The following LRRC4C variants were observed in gnomAD, a reference collection of about 807,000 sequenced individuals.
LRRC4C encodes the protein leucine-rich repeat-containing protein 4C.
A neutral mutation model predicts 33.6 loss-of-function variants in LRRC4C; 5 were observed. The observed-to-expected ratio is 0.15, with a 90% CI of 0.08 to 0.31. LRRC4C has a LOEUF of 0.31. LRRC4C is among the 10% of genes least tolerant of loss of function. The probability of loss-of-function intolerance (pLI) is 1.00; values close to 1 mark genes in which losing one functional copy is unlikely to be tolerated. For synonymous variants in LRRC4C, 329 were observed against 302.0 expected, an observed-to-expected ratio of 1.09 and a Z score of -0.93; for missense variants, 560 against 796.7, an observed-to-expected ratio of 0.70 and a Z score of 3.58.
rs140698369 is a variant in LRRC4C at position 40,713,560 on chromosome 11, T to G, written c.-406-65282A>C. Among the ~76,000 whole-genome samples, 559 of 152,320 alleles carry G rather than the reference T, an allele frequency of 3.7e-3. 5 individuals carry two copies. Among genetic ancestry groups the G allele is most frequent in the African/African-American group, 0.013 (524 of 41,570 alleles). The stretch of plus-strand genomic sequence containing the variant: ...TGTTTCTTCAACTTCAAAATGAAAT[T>G]ATGAATATTTACTTAAAAGGGTAGT... On this transcript the variant is annotated intron_variant, in intron 2 of 6. Transcript: ENST00000528697.
intron 2 of LRRC4C, among the ~76,000 whole-genome samples, chr11:40,779,172 C>A (rs7935440): frequency 0.018 from 2,733 of 151,706 alleles, 89 homozygotes; most frequent in African/African-American, 0.062. Context: ...ATTGTGTTTT[C>A]TGATAGCATG....
At chr11:40,261,554 C>A (rs1941833003) in intron 4 of LRRC4C, among the ~76,000 whole-genome samples, 1 of 151,962 alleles carries the variant, frequency 6.6e-6, no homozygotes, top group South Asian at 2.1e-4. Flanking sequence ...GACTATAAAT[C>A]TTTGTGATAA....
rs539636517 is a variant in LRRC4C at position 40,215,087 on chromosome 11, C to T, written c.-96+26432G>A. On this transcript the variant is annotated intron_variant, in intron 5 of 6. Transcript: ENST00000528697. The stretch of plus-strand genomic sequence containing the variant: ...AAATGCTTCGATTGTTACCCTCCAG[C>T]AGTACTACAACTAATGATATTACTA... Among the ~76,000 whole-genome samples, 12 of 152,274 alleles carry T rather than the reference C, an allele frequency of 7.9e-5. No homozygotes were observed. In the South Asian group the frequency reaches 2.5e-3, roughly 32 times the overall value.
At chr11:40,571,233 A>G (rs1957970871) in intron 3 of LRRC4C, among the ~76,000 whole-genome samples, 1 of 152,178 alleles carries the variant, frequency 6.6e-6, no homozygotes, top group Non-Finnish European at 1.5e-5. Flanking sequence ...TAAAGCATTC[A>G]ACTAGGGTTC....
intron 1 of LRRC4C, among the ~76,000 whole-genome samples, chr11:41,222,096 G>C (rs1243257990): frequency 1.3e-5 from 2 of 152,186 alleles, no homozygotes; most frequent in South Asian, 4.1e-4. Flanking sequence ...TGATATATAA[G>C]TATTTCAAAT....
intron 2 of LRRC4C, among the ~76,000 whole-genome samples, chr11:40,838,556 T>C (rs1316127283): frequency 6.6e-6 from 1 of 152,168 alleles, no homozygotes; most frequent in African/African-American, 2.4e-5. Context: ...GTACTTGCTA[T>C]GTGCATAAAT....
At chr11:41,415,125 A>G (rs1263728388) in intron 1 of LRRC4C, among the ~76,000 whole-genome samples, 1 of 152,180 alleles carries the variant, frequency 6.6e-6, no homozygotes, top group Non-Finnish European at 1.5e-5. Flanking sequence ...TAAGTAAACA[A>G]CTATAAGTAA....
intron 5 of LRRC4C, among the ~76,000 whole-genome samples, chr11:40,212,658 A>G (rs917662458): frequency 1.3e-5 from 2 of 152,126 alleles, no homozygotes; most frequent in African/African-American, 2.4e-5. Flanking sequence ...TAAGCTCTTT[A>G]CCTATATTAA....
At chr11:40,439,031 C>T (rs539634091) in intron 3 of LRRC4C, among the ~76,000 whole-genome samples, 1,575 of 149,148 alleles carry the variant, frequency 0.011, 16 homozygotes, top group South Asian at 0.023. Context: ...CCCGGGTTCA[C>T]GCCATTCTCC....
chr11:41,398,859 G>A (rs944648389), intron 1 of LRRC4C, among the ~76,000 whole-genome samples: 3 of 151,776 alleles, frequency 2.0e-5, no homozygotes, highest in African/African-American at 4.8e-5. Flanking sequence ...TAGCTCTATA[G>A]GGAAGTTGTG....
chr11:40,781,821 G>A (rs1354264896), intron 2 of LRRC4C, among the ~76,000 whole-genome samples: 1 of 152,120 alleles, frequency 6.6e-6, no homozygotes, highest in Non-Finnish European at 1.5e-5. Context: ...ACACCTAAAA[G>A]CACCAAAATG....
intron 3 of LRRC4C, among the ~76,000 whole-genome samples, chr11:40,513,746 C>G (rs1235566257): frequency 6.6e-6 from 1 of 152,148 alleles, no homozygotes; most frequent in African/African-American, 2.4e-5. Flanking sequence ...TTTCCTATAT[C>G]TTAGCATTGC....
rs548058174 is a variant in LRRC4C at position 40,866,615 on chromosome 11, C to T, written c.-407+67020G>A. Among the ~76,000 whole-genome samples, 8 of 152,194 alleles carry T rather than the reference C, an allele frequency of 5.3e-5. No individual in the cohort carries two copies. The South Asian group carries it at 1.2e-3, about 24-fold the overall frequency. Reference sequence around the variant, plus strand: ...CAGTAGTGTGGGGGACTGTCATGATCAAGAGCTTGGGAGTCAAGCCAATTG... The same window carrying T: ...CAGTAGTGTGGGGGACTGTCATGATTAAGAGCTTGGGAGTCAAGCCAATTG... On this transcript the variant is annotated intron_variant, in intron 2 of 6. Coordinates refer to ENST00000528697, the MANE Select transcript of LRRC4C (RefSeq NM_001258419.2).
chr11:41,059,672 C>T (rs1445458499), intron 1 of LRRC4C, among the ~76,000 whole-genome samples: 1 of 152,066 alleles, frequency 6.6e-6, no homozygotes, highest in Non-Finnish European at 1.5e-5. Context: ...ATAAAAAGTC[C>T]TATCTCCGAA....
intron 1 of LRRC4C, among the ~76,000 whole-genome samples, chr11:41,234,752 G>A (rs1947944699): frequency 6.6e-6 from 1 of 151,984 alleles, no homozygotes; most frequent in South Asian, 2.1e-4. Flanking sequence ...CAAAAACTCA[G>A]TGAGGGAAGG....
At chr11:41,075,014 C>CTTTTTTTTTTTA (rs1288063070) in intron 1 of LRRC4C, among the ~76,000 whole-genome samples, 1 of 101,022 alleles carries the variant, frequency 9.9e-6, no homozygotes, top group Non-Finnish European at 2.3e-5. Context: ...CTTCAATTTT[C>CTTTTTTTTTTTA]TTTTTTTTTT....
At chr11:41,212,725 C>A (rs556865231) in intron 1 of LRRC4C, among the ~76,000 whole-genome samples, 30 of 152,328 alleles carry the variant, frequency 2.0e-4, no homozygotes, top group Admixed American at 1.2e-3. Flanking sequence ...CGAAGCTCCA[C>A]TTATGTCCCT....
At chr11:40,965,093 G>C (rs899174532) in intron 1 of LRRC4C, among the ~76,000 whole-genome samples, 4 of 152,028 alleles carry the variant, frequency 2.6e-5, no homozygotes, top group Non-Finnish European at 4.4e-5. Flanking sequence ...TCTCATTGTG[G>C]TTTTGATTTG....
At chr11:41,296,689 C>A (rs926608117) in intron 1 of LRRC4C, among the ~76,000 whole-genome samples, 2 of 152,078 alleles carry the variant, frequency 1.3e-5, no homozygotes, top group African/African-American at 4.8e-5. Context: ...GGGAACCTAG[C>A]CAAGAAACTA....
Sources: allele counts gnomAD v4.1 joint callset (sites outside exome capture counted in the v4.1 genomes callset), GRCh38; gene constraint gnomAD v4.1.1; transcripts MANE v1.5; gene names NCBI Gene and HGNC (gene_info 2026-07-23, HGNC 2026-07-21).